The following ACTN3 variants were observed in gnomAD, a reference collection of about 807,000 sequenced individuals.
ACTN3 encodes the protein alpha-actinin-3.
In ACTN3, 91 loss-of-function variants were observed where a neutral mutation model predicts 119.6. That is an observed-to-expected ratio of 0.76 (90% CI 0.64 to 0.91). ACTN3 has a LOEUF of 0.91. Among genes scored for constraint, ACTN3 ranks in the 40% least tolerant of loss-of-function variants. The probability of loss-of-function intolerance (pLI) is 0.00; values close to 1 mark genes in which losing one functional copy is unlikely to be tolerated. For synonymous variants in ACTN3, 456 were observed against 478.8 expected (o/e 0.95, Z 0.62); for missense variants, 1,221 against 1,215.1 (o/e 1.00, Z -0.07).
rs760572046 is a variant in ACTN3, at chr11:66,562,036, C to T, written c.2190C>T (p.Gly730=). The T allele has an allele frequency of 3.7e-6, 6 of 1,611,034 alleles. No homozygotes were observed. In the East Asian group the frequency reaches 1.3e-4, roughly 36 times the overall value. The change falls in exon 18 of 21, where the codon GGC becomes GGT. Residue 730 remains glycine (G), a synonymous_variant. Transcript: ENST00000513398. ...TVYSMEHIRV[G]WEQLLTSIAR... is the part of the protein sequence containing the mutation. ...CTGACCGCCAGCACATCCGCGTGGG[C>T]TGGGAGCAGCTGCTCACCTCCATTG...
chr11:66,557,985 A>AT, intron 10 of ACTN3, 42 bp from the exon 11 acceptor site: 1 of 1,613,264 alleles, frequency 6.2e-7, no homozygotes, highest in Non-Finnish European at 8.5e-7. Context: ...CATCTGTACA[A>AT]TGGGCAAACC....
At chr11:66,552,018 G>T (rs1857482518) in intron 3 of ACTN3, among the ~76,000 whole-genome samples, 3 of 151,216 alleles carry the variant, frequency 2.0e-5, no homozygotes, top group Admixed American at 1.3e-4. Flanking sequence ...GGAGCTTGCA[G>T]TGAGCCGAGA....
At chr11:66,553,260 A>G (rs961125883) in intron 3 of ACTN3, among the ~76,000 whole-genome samples, 16 of 151,652 alleles carry the variant, frequency 1.1e-4, no homozygotes, top group African/African-American at 3.6e-4. Context: ...TCACCCCCCA[A>G]AAAATAGATG....
Position 66,558,156 on chromosome 11 carries a change from C to CCTGG in ACTN3, c.1258_1259insCTGG (p.His420ProfsTer37). 3.7e-6 allele frequency: 6 copies of CCTGG among 1,613,564 alleles called. No homozygotes were observed. Among genetic ancestry groups the CCTGG allele is most frequent in the Non-Finnish European group, 5.1e-6 (6 of 1,179,894 alleles). ...GAAGTTCCGGCAGAAGGCCTCCCTG[C>CCTGG]ACGAAGCCTGGACCCGGGGTAGGTA... On this transcript the variant is annotated frameshift_variant, in exon 11 of 21. Coordinates refer to ENST00000513398, the MANE Select transcript of ACTN3 (RefSeq NM_001104.4). LOFTEE classifies it high-confidence loss of function.
At chr11:66,556,862 G>A (rs963229841) in intron 8 of ACTN3, among the ~76,000 whole-genome samples, 9 of 152,132 alleles carry the variant, frequency 5.9e-5, no homozygotes, top group South Asian at 2.1e-4. Flanking sequence ...CCAGGCTCAC[G>A]CCATTCTCCT....
chr11:66,554,383 G>A (rs1322874282), intron 4 of ACTN3, 153 bp from the exon 5 acceptor site: 1 of 219,738 alleles, frequency 4.6e-6, no homozygotes. Context: ...GCTTGAGCCT[G>A]GGAGGTTGAG....
In ACTN3 at chr11:66,551,246, C is replaced by T. The variant is rs966558855; in HGVS notation, c.155C>T (p.Thr52Ile). ...GCTGTCCTCTGCCCCTAGACCTTCA[C>T]TGCCTGGTGCAACTCACACCTGCGC... The part of the protein sequence containing the change: ...AWEKQQRKTF[T>I]AWCNSHLRKA... Residue 52 changes from threonine (T) to isoleucine (I), a missense_variant, in exon 2 of 21, where the codon ACT (threonine) becomes ATT (isoleucine). Around this residue, in one of 3 missense-constraint regions of ACTN3, gnomAD observed 239 missense variants for 231.8 expected, o/e 1.03. Transcript: ENST00000513398. 9 of 1,608,904 alleles carry T rather than the reference C, an allele frequency of 5.6e-6. No homozygotes were observed. The highest frequency in any genetic ancestry group is 7.6e-6 in the Non-Finnish European group (9 of 1,177,616).
Position 66,563,211 on chromosome 11 carries a change from C to T in ACTN3, c.*18C>T. 6.3e-7 allele frequency: 1 copy of T among 1,584,280 alleles called. No individual in the cohort carries two copies. Among genetic ancestry groups the T allele is most frequent in the Non-Finnish European group, 8.6e-7 (1 of 1,161,958 alleles). ...ACCTTTGACCCCAACCACTGAGGTTCTCTATGCAAGATGGAGAGAGGATGC... is the reference window on the plus strand; with the variant it reads ...ACCTTTGACCCCAACCACTGAGGTTTTCTATGCAAGATGGAGAGAGGATGC... On this transcript the variant is annotated 3_prime_UTR_variant, in exon 21 of 21. Transcript: ENST00000513398.
intron 18 of ACTN3, 36 bp downstream of exon 18, chr11:66,562,204 T>TG (rs1241291402): frequency 6.2e-7 from 1 of 1,613,812 alleles, no homozygotes; most frequent in Admixed American, 1.7e-5. Flanking sequence ...GTAAGACACT[T>TG]GGGGGCTGGT....
chr11:66,548,208 C>T (rs1424049784), intron 1 of ACTN3, among the ~76,000 whole-genome samples: 1 of 152,106 alleles, frequency 6.6e-6, no homozygotes, highest in African/African-American at 2.4e-5. Flanking sequence ...TCCGCTGACT[C>T]GGCTGGGGTG....
chr11:66,561,705 C>G, intron 17 of ACTN3, 68 bp downstream of exon 17: 1 of 1,514,518 alleles, frequency 6.6e-7, no homozygotes, highest in Non-Finnish European at 8.9e-7. Flanking sequence ...GAGATCACAG[C>G]TGGACAGAGC....
In ACTN3 at chr11:66,557,043, G is replaced by A. The variant is rs1490405565; in HGVS notation, c.805-90G>A. The A allele has an allele frequency of 4.2e-6, 5 of 1,191,140 alleles. No homozygotes were observed. The South Asian group carries it at 5.8e-5, about 14-fold the overall frequency. 73.8% of individuals were successfully genotyped at this position (1,191,140 alleles called of 1,614,324 possible). On this transcript the variant is annotated intron_variant, in intron 8 of 20. Coordinates refer to ENST00000513398, the MANE Select transcript of ACTN3 (RefSeq NM_001104.4). ...CCCAAACTGCTGGGATTACAGGCGT[G>A]AGCCACCGCGCTCGGCGGGGCTCTG...
intron 3 of ACTN3, among the ~76,000 whole-genome samples, chr11:66,552,851 G>GTC (rs564902238): frequency 0.033 from 4,366 of 131,102 alleles, 86 homozygotes; most frequent in African/African-American, 0.047. Context: ...GAGAGACTCT[G>GTC]TCTCTCTCTC....
chr11:66,560,342 G>C (rs765058208), intron 14 of ACTN3, 31 bp downstream of exon 14: 2 of 1,596,896 alleles, frequency 1.3e-6, no homozygotes, highest in Non-Finnish European at 1.7e-6. Context: ...GGATGGATAG[G>C]ATGACAGGAA....
At chr11:66,558,584 T>C (rs1857657320) in intron 11 of ACTN3, among the ~76,000 whole-genome samples, 1 of 152,004 alleles carries the variant, frequency 6.6e-6, no homozygotes. Context: ...CCCAGGCTGG[T>C]CTCAAACTCC....
intron 3 of ACTN3, 126 bp downstream of exon 3, chr11:66,551,773 C>A: frequency 7.1e-7 from 1 of 1,409,136 alleles, no homozygotes; most frequent in Non-Finnish European, 9.6e-7. Context: ...CGCAAGAGAG[C>A]CTGTAAAGAG....
At chr11:66,559,587 T>C (rs1445916841) in intron 12 of ACTN3, among the ~76,000 whole-genome samples, 1 of 103,988 alleles carries the variant, frequency 9.6e-6, no homozygotes, top group Admixed American at 1.4e-4. Context: ...CTGCTCACAC[T>C]CTTCCCACTG....
intron 5 of ACTN3, among the ~76,000 whole-genome samples, chr11:66,554,915 G>C (rs565367253): frequency 2.6e-5 from 4 of 152,140 alleles, no homozygotes; most frequent in Non-Finnish European, 5.9e-5. Context: ...TTAGAAACTG[G>C]TCGGGCCTAA....
intron 7 of ACTN3, 64 bp from the exon 8 acceptor site, chr11:66,556,081 G>C: frequency 6.9e-7 from 1 of 1,454,586 alleles, no homozygotes; most frequent in Non-Finnish European, 9.4e-7. Flanking sequence ...CACCCAGAGA[G>C]AGTTCTCTGC....
Sources: gnomAD v4.1 joint callset for allele counts (sites outside exome capture counted in the v4.1 genomes callset) on GRCh38, gnomAD v4.1.1 for gene constraint, gnomAD v4.1.1 regional missense constraint, MANE v1.5 for transcripts, NCBI Gene and HGNC (gene_info 2026-07-23, HGNC 2026-07-21) for gene names.